Variants in VPS50 observed in about 807,000 individuals in gnomAD.
The protein encoded by VPS50 is VPS50 subunit of EARP/GARPII complex, also known as syndetin.
Under a neutral mutation model 139.7 loss-of-function variants are expected in VPS50, and 70 were observed. That is an observed-to-expected ratio of 0.50 (90% CI 0.41 to 0.61). The LOEUF is 0.61. Among genes scored for constraint, VPS50 ranks in the 20% least tolerant of loss-of-function variants. The pLI is 0.00. For missense variants in VPS50, 921 were observed against 1,133.7 expected (o/e 0.81, Z 2.69); for synonymous variants, 365 against 376.7 (o/e 0.97, Z 0.36).
intron 21 of VPS50, among the ~76,000 whole-genome samples, chr7:93,326,640 G>T (rs1012915665): frequency 3.3e-5 from 5 of 151,574 alleles, no homozygotes; most frequent in African/African-American, 1.2e-4. Flanking sequence ...ATCTTTTTCT[G>T]CTACTCACAG....
At chr7:93,350,097 C>A (rs1798515404) in intron 25 of VPS50, 64 bp downstream of exon 25, 4 of 1,131,430 alleles carry the variant, frequency 3.5e-6, no homozygotes, top group East Asian at 4.8e-5. Flanking sequence ...TCCTTTATTG[C>A]AGTGGCTCTA....
At chr7:93,311,298 A>T (rs765684856) in intron 20 of VPS50, 26 bp downstream of exon 20, 2 of 880,566 alleles carry the variant, frequency 2.3e-6, no homozygotes, top group South Asian at 1.3e-5. Context: ...TTTAAAAAAA[A>T]TTATAACAGT....
At chr7:93,246,168 A>AT (rs1348447850) in intron 2 of VPS50, 11 of 1,261,438 alleles carry the variant, frequency 8.7e-6, no homozygotes, top group South Asian at 1.3e-5. Context: ...AACAGAATAG[A>AT]TTTTTTATGT....
chr7:93,271,167 G>C, intron 9 of VPS50, 53 bp from the exon 10 acceptor site: 1 of 1,537,818 alleles, frequency 6.5e-7, no homozygotes, highest in African/African-American at 1.4e-5. Context: ...TATTTATTTA[G>C]CACTTAGTTT....
intron 12 of VPS50, among the ~76,000 whole-genome samples, chr7:93,287,775 T>C (rs1174965704): frequency 2.0e-5 from 3 of 152,130 alleles, no homozygotes; most frequent in Non-Finnish European, 4.4e-5. Flanking sequence ...CCAGAACTTT[T>C]TGGGATTTTT....
intron 20 of VPS50, among the ~76,000 whole-genome samples, chr7:93,323,077 GCTAGGATTCAGGGCAATGGGCAGTA>G (rs925605921): frequency 3.4e-4 from 52 of 152,072 alleles, no homozygotes; most frequent in African/African-American, 1.2e-3. Flanking sequence ...ATTTCACAGG[GCTAGGATTCAGGGCAATGGGCAGTA>G]TCTTGCATGT....
chr7:93,244,015 T>C (rs1468872249), intron 2 of VPS50, among the ~76,000 whole-genome samples: 2 of 151,966 alleles, frequency 1.3e-5, no homozygotes, highest in South Asian at 2.1e-4. Context: ...TTTAATTAAC[T>C]CATAAATAGT....
chr7:93,357,828 G>A (rs1018840337), intron 27 of VPS50, among the ~76,000 whole-genome samples: 1 of 152,062 alleles, frequency 6.6e-6, no homozygotes, highest in Non-Finnish European at 1.5e-5. Flanking sequence ...CTGACTTTGT[G>A]ATCCTTGTTA....
chr7:93,297,432 T>A (rs1048471245), intron 16 of VPS50, among the ~76,000 whole-genome samples, 189 bp downstream of exon 16: 3 of 152,168 alleles, frequency 2.0e-5, no homozygotes, highest in African/African-American at 7.2e-5. Flanking sequence ...ACATATTCAT[T>A]GTACATTTTA....
intron 2 of VPS50, among the ~76,000 whole-genome samples, chr7:93,251,542 A>C (rs1795334304): frequency 6.6e-6 from 1 of 152,112 alleles, no homozygotes; most frequent in African/African-American, 2.4e-5. Flanking sequence ...GGGGAGGGAT[A>C]GCATTAGGAG....
At chr7:93,243,137 A>G (rs1415213684) in intron 2 of VPS50, among the ~76,000 whole-genome samples, 1 of 152,026 alleles carries the variant, frequency 6.6e-6, no homozygotes, top group Non-Finnish European at 1.5e-5. Context: ...GGTAATCTAT[A>G]TACTGGAAAT....
chr7:93,322,599 C>CAAAAAAA (rs71528064), intron 20 of VPS50, among the ~76,000 whole-genome samples: 4 of 66,154 alleles, frequency 6.0e-5, no homozygotes, highest in Admixed American at 1.6e-4. Context: ...GACTCCGTCT[C>CAAAAAAA]AAAAAAAAAA....
intron 2 of VPS50, among the ~76,000 whole-genome samples, chr7:93,248,107 G>A (rs1156597641): frequency 6.6e-6 from 1 of 151,756 alleles, no homozygotes; most frequent in Non-Finnish European, 1.5e-5. Flanking sequence ...TAATTATTAT[G>A]TGACATAAAA....
At chr7:93,257,348 A>G (rs1319607540) in intron 5 of VPS50, 46 bp from the exon 6 acceptor site, 1 of 1,196,652 alleles carries the variant, frequency 8.4e-7, no homozygotes. Context: ...ATAAGAAAGA[A>G]AAATAAAATA....
chr7:93,250,492 G>A (rs1000395327), intron 2 of VPS50, among the ~76,000 whole-genome samples: 2 of 152,076 alleles, frequency 1.3e-5, no homozygotes, highest in African/African-American at 4.8e-5. Flanking sequence ...AAATTGGCTA[G>A]CCATATGCAG....
chr7:93,297,380 T>C, intron 16 of VPS50, 137 bp downstream of exon 16: 1 of 965,294 alleles, frequency 1.0e-6, no homozygotes, highest in Non-Finnish European at 1.4e-6. Context: ...TTTAAGATGG[T>C]TAAGGATTTT....
At chr7:93,346,556 A>T (rs891895485) in intron 23 of VPS50, among the ~76,000 whole-genome samples, 56 of 152,030 alleles carry the variant, frequency 3.7e-4, no homozygotes, top group South Asian at 1.5e-3. Context: ...GAGGCATCAC[A>T]CTACCTGACT....
chr7:93,276,414 A>C, intron 12 of VPS50, 109 bp downstream of exon 12: 1 of 1,345,534 alleles, frequency 7.4e-7, no homozygotes, highest in Non-Finnish European at 9.6e-7. Context: ...AATAAAAATA[A>C]ATCTTTGCCA....
intron 22 of VPS50, among the ~76,000 whole-genome samples, chr7:93,339,956 C>A (rs1254774276): frequency 6.6e-6 from 1 of 151,918 alleles, no homozygotes; most frequent in African/African-American, 2.4e-5. Flanking sequence ...GAATTCATTG[C>A]CATGTCAGTA....
Sources: gnomAD v4.1 joint callset for allele counts (sites outside exome capture counted in the v4.1 genomes callset) on GRCh38, gnomAD v4.1.1 for gene constraint, MANE v1.5 for transcripts, NCBI Gene and HGNC (gene_info 2026-07-23, HGNC 2026-07-21) for gene names.